Variants in ABCB9 observed in about 807,000 individuals in gnomAD.
ABCB9 encodes ATP binding cassette subfamily B member 9.
In ABCB9, 36 loss-of-function variants were observed where a neutral mutation model predicts 62.0. The observed-to-expected ratio is 0.58, with a 90% confidence interval of 0.45 to 0.77. The LOEUF is 0.77. Ranked by LOEUF, ABCB9 falls within the 30% of genes least tolerant of loss-of-function variation. The pLI is 0.00. For synonymous variants in ABCB9, 435 were observed against 461.4 expected (o/e 0.94, Z 0.73); for missense variants, 943 against 1,054.7 (o/e 0.89, Z 1.47).
Position 122,932,416 on chromosome 12 carries a change from G to T in ABCB9, c.1904-88C>A. 6.8e-7 allele frequency: 1 copy of T among 1,460,254 alleles called. No individual in the cohort carries two copies. Among genetic ancestry groups the T allele is most frequent in the Non-Finnish European group, 9.1e-7 (1 of 1,098,786 alleles). The allele number at this position is 1,460,254 out of a possible 1,614,324, so 90.5% of individuals were successfully genotyped here. ...GTGAGAGGCCCTGCCCTGCAGCTGT[G>T]GAAAGGGCGGGCTGGAACCCACAAC... On this transcript the variant is annotated intron_variant, in intron 10 of 11. Coordinates refer to ENST00000280560, the MANE Select transcript of ABCB9 (RefSeq NM_019625.4). The surrounding 1 kb of genome is among the most constrained non-coding windows in gnomAD (Gnocchi z 4.7).
In ABCB9 at chr12:122,940,423, A is replaced by C; in HGVS notation, c.1570-139T>G. On this transcript the variant is annotated intron_variant, in intron 8 of 11. Coordinates refer to ENST00000280560, the MANE Select transcript of ABCB9 (RefSeq NM_019625.4). This position sits in a 1 kb window ranked among gnomAD's most constrained non-coding sequence, Gnocchi z 4.8. The stretch of plus-strand genomic sequence containing the variant: ...CTCGCTTGGGCACTGCTGGCCCCTA[A>C]ACGTTCTTTCTAAGACACTAGGACT... 9.9e-7 allele frequency: 1 copy of C among 1,007,294 alleles called. No homozygotes were observed. 62.4% of individuals were successfully genotyped at this position (1,007,294 alleles called of 1,614,324 possible). A position where few individuals can be genotyped will look rare whatever the true frequency, so the allele number is the denominator to read the frequency against.
intron 2 of ABCB9, among the ~76,000 whole-genome samples, chr12:122,954,535 C>T (rs568068586): frequency 1.3e-5 from 2 of 152,158 alleles, no homozygotes; most frequent in Admixed American, 1.3e-4. Flanking sequence ...TTCCGTCACC[C>T]AGGCTGGAGT....
At chr12:122,924,812 T>C, downstream of ABCB9, 1 of 1,534,874 alleles carries the variant, frequency 6.5e-7, no homozygotes, top group Non-Finnish European at 8.7e-7. Flanking sequence ...CCCAGCACAC[T>C]GTGTGGGACA....
chr12:122,953,993 T>A (rs1283137116), intron 2 of ABCB9, among the ~76,000 whole-genome samples: 6 of 152,196 alleles, frequency 3.9e-5, no homozygotes, highest in Non-Finnish European at 7.3e-5. Context: ...ACATTTGGTT[T>A]GCCATGAAAT....
chr12:122,959,990 C>T lies in ABCB9; in HGVS notation c.246G>A (p.Ser82=), dbSNP rs565217712. 1.4e-5 allele frequency: 22 copies of T among 1,613,144 alleles called. No individual in the cohort carries two copies. Among genetic ancestry groups the T allele is most frequent in the Middle Eastern group, 3.3e-4 (2 of 6,084 alleles). ...GGCACACGAGGGTGATGACCAGCCA[C>T]GAGGCCCGCAGCCGCCGGGGCCCCA... is the stretch of plus-strand genomic sequence containing the variant. ...SALGPRRLRA[S]WLVITLVCLF... Residue 82 remains serine, a synonymous_variant, in exon 2 of 12, where the codon TCG becomes TCA. Coordinates refer to ENST00000280560, the MANE Select transcript of ABCB9 (RefSeq NM_019625.4). The surrounding 1 kb of genome is among the most constrained non-coding windows in gnomAD (Gnocchi z 5.4).
chr12:122,926,724 C>CA (rs59865125), downstream of ABCB9, among the ~76,000 whole-genome samples: 5,747 of 106,006 alleles, frequency 0.054, 329 homozygotes, highest in African/African-American at 0.17. Flanking sequence ...CCTGTCTCTA[C>CA]AAAAAAAAAA....
At chr12:122,966,721 C>A (rs1377016394), upstream of ABCB9, among the ~76,000 whole-genome samples, 1 of 152,262 alleles carries the variant, frequency 6.6e-6, no homozygotes, top group Non-Finnish European at 1.5e-5. Context: ...GCCAACCAGG[C>A]CCTCCACACT....
At chr12:122,950,061 T>G in intron 3 of ABCB9, 143 bp from the exon 4 acceptor site, 2 of 1,131,294 alleles carry the variant, frequency 1.8e-6, no homozygotes, top group African/African-American at 1.5e-5. Flanking sequence ...GTCCCCCTCA[T>G]TCCCAGTGGG....
chr12:122,965,807 G>A (rs1271523811), intron 1 of ABCB9, among the ~76,000 whole-genome samples: 1 of 152,146 alleles, frequency 6.6e-6, no homozygotes, highest in Non-Finnish European at 1.5e-5. Flanking sequence ...AGCGTGGATG[G>A]CGGGGAGCAG....
chr12:122,928,195 C>G (rs60739634), downstream of ABCB9, among the ~76,000 whole-genome samples: 19 of 152,058 alleles, frequency 1.2e-4, no homozygotes. Flanking sequence ...GCTGGCCAGG[C>G]GCGGTGGCTC....
Position 122,930,544 on chromosome 12 carries a change from G to C in ABCB9, c.2041-373C>G, listed in dbSNP as rs960525374. ...CGCCTCAGCTTCCCAAGTAGCTAGGGGATTACAGGTGCCCGCCACCATACC... is the reference window on the plus strand; with the variant it reads ...CGCCTCAGCTTCCCAAGTAGCTAGGCGATTACAGGTGCCCGCCACCATACC... On this transcript the variant is annotated intron_variant, in intron 11 of 11. Coordinates refer to ENST00000280560, the MANE Select transcript of ABCB9 (RefSeq NM_019625.4). This position sits in a 1 kb window ranked among gnomAD's most constrained non-coding sequence, Gnocchi z 4.9. Among the ~76,000 whole-genome samples, 17 of 151,778 alleles carry C rather than the reference G, an allele frequency of 1.1e-4. No homozygotes were observed. The highest frequency in any genetic ancestry group is 2.9e-4 in the African/African-American group (12 of 41,292).
At chr12:122,974,213 G>A (rs1219023751) in intron 1 of ABCB9, among the ~76,000 whole-genome samples, 1 of 152,180 alleles carries the variant, frequency 6.6e-6, no homozygotes, top group East Asian at 1.9e-4. Flanking sequence ...CAGTTAGGCG[G>A]GTAATGAACA....
chr12:122,939,944 G>T, intron 9 of ABCB9, 167 bp downstream of exon 9: 1 of 986,292 alleles, frequency 1.0e-6, no homozygotes, highest in Non-Finnish European at 1.4e-6. Context: ...GAGCCACCAC[G>T]TCTGGACAAG....
downstream of ABCB9, chr12:122,924,827 G>A: frequency 6.5e-7 from 1 of 1,534,578 alleles, no homozygotes; most frequent in Non-Finnish European, 8.7e-7. Flanking sequence ...GGGACAGAAG[G>A]AGGACAGTGA....
rs1297248611 is a variant in ABCB9 at position 122,959,512 on chromosome 12, CTT to C, written c.601+121_601+122del. 2.7e-6 allele frequency: 4 copies of C among 1,468,638 alleles called. No homozygotes were observed. The highest frequency in any genetic ancestry group is 3.6e-6 in the Non-Finnish European group (4 of 1,099,008). The allele number at this position is 1,468,638 out of a possible 1,614,324, so 91.0% of individuals were successfully genotyped here. ...AGATATGAGCCACTATGCCTGGCCT[CTT>C]TTCCTTTTCATATCAATTTGATGTC... is the stretch of plus-strand genomic sequence containing the variant. On this transcript the variant is annotated intron_variant, in intron 2 of 11. Coordinates refer to ENST00000280560, the MANE Select transcript of ABCB9 (RefSeq NM_019625.4). This position sits in a 1 kb window ranked among gnomAD's most constrained non-coding sequence, Gnocchi z 5.4.
At chr12:122,925,958 T>C (rs983711969), downstream of ABCB9, among the ~76,000 whole-genome samples, 6 of 152,180 alleles carry the variant, frequency 3.9e-5, no homozygotes, top group Admixed American at 1.3e-4. Flanking sequence ...GGTTGGACCT[T>C]GTACACATGA....
chr12:122,952,634 C>T (rs930467103), intron 2 of ABCB9: 35 of 152,218 alleles, frequency 2.3e-4, no homozygotes, highest in African/African-American at 7.5e-4. Flanking sequence ...AAGAGGGCAA[C>T]GATGAGCTGT....
At chr12:122,933,447 G>C (rs1254267196) in intron 10 of ABCB9, among the ~76,000 whole-genome samples, 2 of 151,968 alleles carry the variant, frequency 1.3e-5, no homozygotes, top group Non-Finnish European at 1.5e-5. Context: ...CCAGCTACTC[G>C]GGAGGCCGAG....
At chr12:122,946,550 A>C in intron 5 of ABCB9, 1 of 349,988 alleles carries the variant, frequency 2.9e-6, no homozygotes, top group South Asian at 3.0e-5. Context: ...CTTTCAGAAA[A>C]GGGGCCTCAA....
Sources: allele counts gnomAD v4.1 joint callset (sites outside exome capture counted in the v4.1 genomes callset), GRCh38; gene constraint gnomAD v4.1.1; non-coding constraint Gnocchi (gnomAD v3.1); transcripts MANE v1.5; gene names NCBI Gene and HGNC (gene_info 2026-07-23, HGNC 2026-07-21).